Variants in RAPGEF5 observed in about 807,000 individuals in gnomAD.
RAPGEF5 encodes the protein M-Ras-regulated GEF.
In RAPGEF5, 65 loss-of-function variants were observed where a neutral mutation model predicts 125.2. That is an observed-to-expected ratio of 0.52 (90% CI 0.43 to 0.64). The LOEUF (loss-of-function observed/expected upper bound fraction) is 0.64. Ranked by LOEUF, RAPGEF5 falls within the 30% of genes least tolerant of loss-of-function variation. RAPGEF5 has a pLI of 0.00. For synonymous variants in RAPGEF5, 391 were observed against 385.9 expected, an observed-to-expected ratio of 1.01 and a Z score of -0.16; for missense variants, 958 against 1,048.1, an observed-to-expected ratio of 0.91 and a Z score of 1.19.
chr7:22,334,650 A>G (rs1457908151), intron 1 of RAPGEF5, among the ~76,000 whole-genome samples: 1 of 152,242 alleles, frequency 6.6e-6, no homozygotes, highest in African/African-American at 2.4e-5. Flanking sequence ...GTATGTATTT[A>G]CCAACCACTG....
chr7:22,269,282 C>T (rs903276906), intron 6 of RAPGEF5, among the ~76,000 whole-genome samples: 1 of 151,936 alleles, frequency 6.6e-6, no homozygotes, highest in African/African-American at 2.4e-5. Context: ...GGGTAAGATC[C>T]CTTTCATGCT....
rs577309496 is a variant in RAPGEF5 at position 22,129,657 on chromosome 7, G to T, written c.2481+1380C>A. Among the ~76,000 whole-genome samples, 8 of 152,154 alleles carry T rather than the reference G, an allele frequency of 5.3e-5. No individual in the cohort carries two copies. The South Asian group carries it at 1.5e-3, about 28-fold the overall frequency. On this transcript the variant is annotated intron_variant, in intron 24 of 25. Coordinates refer to ENST00000665637, the MANE Select transcript of RAPGEF5 (RefSeq NM_012294.5). ...ACTTTATCCATTTCTGGCTCTGTTGGTTTGACTGTAGCATCTAAAATAACT... is the reference window on the plus strand; with the variant it reads ...ACTTTATCCATTTCTGGCTCTGTTGTTTTGACTGTAGCATCTAAAATAACT...
At chr7:22,310,220 G>T in intron 3 of RAPGEF5, 130 bp from the exon 4 acceptor site, 1 of 939,250 alleles carries the variant, frequency 1.1e-6, no homozygotes, top group Non-Finnish European at 1.4e-6. Context: ...AGAATAAATG[G>T]CATATACCTC....
intron 1 of RAPGEF5, among the ~76,000 whole-genome samples, chr7:22,345,517 T>TA (rs1258223092): frequency 2.0e-5 from 3 of 151,700 alleles, no homozygotes; most frequent in Admixed American, 6.6e-5. Context: ...TTGAGTCTAT[T>TA]AAAAAAAAGA....
chr7:22,352,443 A>G (rs1196480732), intron 1 of RAPGEF5, among the ~76,000 whole-genome samples: 1 of 152,144 alleles, frequency 6.6e-6, no homozygotes, highest in African/African-American at 2.4e-5. Flanking sequence ...GCTCCTTGGG[A>G]AAATGGCTGA....
At chr7:22,156,926 T>C (rs1783828414) in intron 15 of RAPGEF5, 38 bp from the exon 16 acceptor site, 1 of 1,611,438 alleles carries the variant, frequency 6.2e-7, no homozygotes, top group Non-Finnish European at 8.5e-7. Context: ...AATGAATACA[T>C]TCCTGCCCTT....
intron 1 of RAPGEF5, among the ~76,000 whole-genome samples, chr7:22,353,843 C>A (rs1021608574): frequency 1.3e-5 from 2 of 152,068 alleles, no homozygotes; most frequent in Non-Finnish European, 2.9e-5. Context: ...AACCAAATGG[C>A]AGTTTGATTT....
In RAPGEF5 at chr7:22,165,994, C is replaced by CTA. The variant is rs753134718; in HGVS notation, c.1283+1074_1283+1075dup. Among the ~76,000 whole-genome samples, 174 of 147,290 alleles carry CTA rather than the reference C, an allele frequency of 1.2e-3. 1 individual carries two copies. The highest frequency in any genetic ancestry group is 7.2e-3 in the Middle Eastern group (2 of 276). On this transcript the variant is annotated intron_variant, in intron 12 of 25. Transcript: ENST00000665637. Reference sequence around the variant, plus strand: ...TCATGCCCAGCTAGTTTTGGTATGCCTATATATATATACACCAAATATCTA... The same window carrying CTA: ...TCATGCCCAGCTAGTTTTGGTATGCCTATATATATATATACACCAAATATCTA...
chr7:22,199,185 G>A (rs1042272766), intron 9 of RAPGEF5, among the ~76,000 whole-genome samples: 1 of 152,182 alleles, frequency 6.6e-6, no homozygotes, highest in Non-Finnish European at 1.5e-5. Flanking sequence ...GAGGAAGAGA[G>A]TTGACAGGAG....
intron 5 of RAPGEF5, among the ~76,000 whole-genome samples, chr7:22,303,663 G>T (rs374825718): frequency 1.8e-4 from 28 of 152,244 alleles, no homozygotes; most frequent in African/African-American, 6.5e-4. Flanking sequence ...ACACAAAATT[G>T]GGTTTTCAGC....
At chr7:22,159,786 C>T (rs774564202) in intron 14 of RAPGEF5, among the ~76,000 whole-genome samples, 1 of 151,050 alleles carries the variant, frequency 6.6e-6, no homozygotes, top group Non-Finnish European at 1.5e-5. Flanking sequence ...ATAAAGAAAC[C>T]TCAGGGAACC....
intron 24 of RAPGEF5, among the ~76,000 whole-genome samples, chr7:22,128,218 C>T (rs1487346800): frequency 1.3e-5 from 2 of 151,918 alleles, no homozygotes; most frequent in East Asian, 1.9e-4. Flanking sequence ...CTCTTAACAT[C>T]GAGGGATAAA....
intron 1 of RAPGEF5, among the ~76,000 whole-genome samples, chr7:22,323,823 GAATA>G (rs1432655340): frequency 6.6e-6 from 1 of 151,998 alleles, no homozygotes; most frequent in Non-Finnish European, 1.5e-5. Flanking sequence ...ACAAGCAATT[GAATA>G]AATAAATAAA....
intron 8 of RAPGEF5, among the ~76,000 whole-genome samples, chr7:22,227,010 T>C (rs1236848973): frequency 6.6e-6 from 1 of 151,814 alleles, no homozygotes; most frequent in Non-Finnish European, 1.5e-5. Context: ...AAAATCAAAA[T>C]ATAGAATTAT....
chr7:22,284,303 C>T (rs58739329), intron 6 of RAPGEF5, among the ~76,000 whole-genome samples: 220 of 152,266 alleles, frequency 1.4e-3, no homozygotes, highest in African/African-American at 4.8e-3. Flanking sequence ...CAGCATTCCA[C>T]GTGGTCCTAC....
intron 11 of RAPGEF5, among the ~76,000 whole-genome samples, chr7:22,188,818 C>CT (rs1416018177): frequency 3.3e-5 from 5 of 150,914 alleles, no homozygotes; most frequent in Admixed American, 2.6e-4. Flanking sequence ...CTTCTGGACT[C>CT]TATCAGTTGA....
chr7:22,233,956 A>G (rs1759243886), intron 7 of RAPGEF5, among the ~76,000 whole-genome samples: 1 of 152,228 alleles, frequency 6.6e-6, no homozygotes, highest in Non-Finnish European at 1.5e-5. Context: ...CTAACTCTGT[A>G]AGCTAAATCT....
At chr7:22,289,485 T>C (rs1235258087) in intron 6 of RAPGEF5, among the ~76,000 whole-genome samples, 4 of 152,256 alleles carry the variant, frequency 2.6e-5, no homozygotes, top group Non-Finnish European at 5.9e-5. Context: ...CTTAGCAGAA[T>C]GTGTATGTAT....
chr7:22,224,817 G>A (rs1785879009), intron 8 of RAPGEF5, among the ~76,000 whole-genome samples: 1 of 149,186 alleles, frequency 6.7e-6, no homozygotes, highest in Non-Finnish European at 1.5e-5. Flanking sequence ...TAGGTCCCAA[G>A]TACAGTGTTT....
Sources: allele counts gnomAD v4.1 joint callset (sites outside exome capture counted in the v4.1 genomes callset), GRCh38; gene constraint gnomAD v4.1.1; transcripts MANE v1.5; gene names NCBI Gene and HGNC (gene_info 2026-07-23, HGNC 2026-07-21).